The following PHF20 variants were observed in gnomAD, a reference collection of about 807,000 sequenced individuals.
PHF20 encodes PHD finger protein 20.
A neutral mutation model predicts 113.5 loss-of-function variants in PHF20; 23 were observed. The observed-to-expected ratio is 0.20, with a 90% CI of 0.15 to 0.29. PHF20 has a LOEUF of 0.29. Ranked by LOEUF, PHF20 falls within the 10% of genes least tolerant of loss-of-function variation. The pLI, the probability that PHF20 is intolerant of heterozygous loss-of-function variation, is 1.00. For missense variants in PHF20, 943 were observed against 1,219.6 expected, an observed-to-expected ratio of 0.77 and a Z score of 3.38; for synonymous variants, 434 against 457.3, an observed-to-expected ratio of 0.95 and a Z score of 0.65.
chr20:35,822,697 A>G (rs1039670200), intron 2 of PHF20, among the ~76,000 whole-genome samples: 1 of 149,724 alleles, frequency 6.7e-6, no homozygotes, highest in Non-Finnish European at 1.5e-5. Context: ...TAGCTGGGGT[A>G]GGGGGTGGCT....
intron 2 of PHF20, among the ~76,000 whole-genome samples, chr20:35,836,292 A>G (rs2042438660): frequency 6.6e-6 from 1 of 152,064 alleles, no homozygotes; most frequent in African/African-American, 2.4e-5. Context: ...TGCTGGGATT[A>G]TAGACATGAG....
At chr20:35,913,663 A>G (rs1291762606) in intron 11 of PHF20, among the ~76,000 whole-genome samples, 1 of 152,268 alleles carries the variant, frequency 6.6e-6, no homozygotes, top group Non-Finnish European at 1.5e-5. Context: ...TTGTTCACAC[A>G]CACGACTCTT....
In PHF20 at chr20:35,940,974, C is replaced by G. The variant is rs2055966727; in HGVS notation, c.2823C>G (p.Asn941Lys). 1 of 1,614,066 alleles carries G rather than the reference C, an allele frequency of 6.2e-7. No individual in the cohort carries two copies. The highest frequency in any genetic ancestry group is 8.5e-7 in the Non-Finnish European group (1 of 1,180,026). Residue 941 changes from asparagine to lysine, a missense_variant, in exon 17 of 18, where the codon AAC becomes AAG. This residue lies in a region of PHF20 where 349 missense variants were observed against 412.3 expected (regional missense o/e 0.85). Coordinates refer to ENST00000374012, the MANE Select transcript of PHF20 (RefSeq NM_016436.5). Reference sequence around the variant, plus strand: ...GCTCCCAGCACCAGTGGCAGTTTAACCTGCTGACCCATGTGGAATCTCTTC... The same window carrying G: ...GCTCCCAGCACCAGTGGCAGTTTAAGCTGCTGACCCATGTGGAATCTCTTC... Reference protein sequence around the residue: ...LLSSQHQWQFNLLTHVESLQD... With the variant: ...LLSSQHQWQFKLLTHVESLQD...
chr20:35,910,346 G>A (rs1306353957), intron 10 of PHF20, among the ~76,000 whole-genome samples: 7 of 152,040 alleles, frequency 4.6e-5, no homozygotes, highest in African/African-American at 1.2e-4. Flanking sequence ...CAAAGTGGTC[G>A]TACAACATTG....
intron 6 of PHF20, among the ~76,000 whole-genome samples, chr20:35,864,956 C>T (rs879871574): frequency 3.3e-5 from 5 of 151,984 alleles, no homozygotes; most frequent in African/African-American, 7.3e-5. Context: ...GAGGTCCAGG[C>T]GGGTGGATTA....
chr20:35,842,661 T>G lies in PHF20; in HGVS notation c.172T>G (p.Phe58Val). ...TTGGAACCATCGTTATGATGAGTGGTTCTGCTGGGACAGTCCTTATTTACG... is the reference window on the plus strand; with the variant it reads ...TTGGAACCATCGTTATGATGAGTGGGTCTGCTGGGACAGTCCTTATTTACG... ...KRWNHRYDEW[F>V]CWDSPYLRPL... Residue 58 changes from phenylalanine (F) to valine (V), a missense_variant, in exon 3 of 18, where the codon TTC becomes GTC. Around this residue, in one of 3 missense-constraint regions of PHF20, gnomAD observed 592 missense variants for 787.2 expected, o/e 0.75. Transcript: ENST00000374012. 1.9e-6 allele frequency: 3 copies of G among 1,614,116 alleles called. No individual in the cohort carries two copies. Among genetic ancestry groups the G allele is most frequent in the Non-Finnish European group, 2.5e-6 (3 of 1,179,950 alleles).
chr20:35,824,342 C>T (rs1426944315), intron 2 of PHF20, among the ~76,000 whole-genome samples: 1 of 152,036 alleles, frequency 6.6e-6, no homozygotes, highest in Non-Finnish European at 1.5e-5. Flanking sequence ...GGTGTGGTGG[C>T]TCACGCCTGT....
chr20:35,862,664 G>C (rs763211656), intron 5 of PHF20, among the ~76,000 whole-genome samples: 100 of 152,060 alleles, frequency 6.6e-4, no homozygotes, highest in Non-Finnish European at 1.3e-3. Context: ...GGCCTGGGAG[G>C]TCGAGGCTGC....
intron 13 of PHF20, among the ~76,000 whole-genome samples, chr20:35,924,853 G>A (rs187693710): frequency 8.3e-4 from 126 of 152,020 alleles, no homozygotes; most frequent in African/African-American, 2.8e-3. Flanking sequence ...CTCCCGCCTC[G>A]GCCTCCCAAA....
chr20:35,894,681 A>T (rs1263798342), intron 9 of PHF20, among the ~76,000 whole-genome samples: 2 of 152,298 alleles, frequency 1.3e-5, no homozygotes, highest in Non-Finnish European at 1.5e-5. Context: ...AATTCTCACA[A>T]CTCAGCGAAG....
At chr20:35,885,785 C>T (rs909989428) in intron 9 of PHF20, among the ~76,000 whole-genome samples, 1 of 151,802 alleles carries the variant, frequency 6.6e-6, no homozygotes, top group Non-Finnish European at 1.5e-5. Flanking sequence ...CTGTTATTAC[C>T]CCCTTTATAA....
intron 13 of PHF20, 110 bp downstream of exon 13, chr20:35,917,772 A>G: frequency 1.1e-6 from 1 of 896,098 alleles, no homozygotes; most frequent in East Asian, 2.5e-5. Context: ...GAAACACAGC[A>G]CGAACGGCAG....
At chr20:35,910,751 C>T (rs552782561) in intron 10 of PHF20, among the ~76,000 whole-genome samples, 132 of 152,132 alleles carry the variant, frequency 8.7e-4, no homozygotes, top group Non-Finnish European at 1.4e-3. Flanking sequence ...GCCTCAGCCT[C>T]CCAAGTAGCT....
rs1376020156 is a variant in PHF20 at position 35,863,200 on chromosome 20, C to G, written c.608C>G (p.Ser203Cys). The G allele has an allele frequency of 6.2e-7, 1 of 1,613,720 alleles. No individual in the cohort carries two copies. The highest frequency in any genetic ancestry group is 8.5e-7 in the Non-Finnish European group (1 of 1,179,972). Residue 203 changes from serine to cysteine, a missense_variant, in exon 6 of 18, where the codon TCT becomes TGT. Physicochemically the swap from Ser to Cys is moderately radical, Grantham distance 112 (BLOSUM62 -1). Around this residue, in one of 3 missense-constraint regions of PHF20, gnomAD observed 592 missense variants for 787.2 expected, o/e 0.75. Transcript: ENST00000374012. ...GATAAAGAAGGAAAGTTAATCTGTT[C>G]TGAAAAGGGGAAAGTGTCAGAGAAA... Reference protein sequence around the residue: ...QPDKEGKLICSEKGKVSEKSL... With the variant: ...QPDKEGKLICCEKGKVSEKSL...
At chr20:35,897,102 T>C (rs1045702660) in intron 9 of PHF20, among the ~76,000 whole-genome samples, 1 of 152,032 alleles carries the variant, frequency 6.6e-6, no homozygotes, top group African/African-American at 2.4e-5. Context: ...GGTACAGTCA[T>C]GGCTCACTGC....
At chr20:35,923,010 G>C (rs1048765323) in intron 13 of PHF20, among the ~76,000 whole-genome samples, 2 of 152,176 alleles carry the variant, frequency 1.3e-5, no homozygotes, top group Non-Finnish European at 2.9e-5. Flanking sequence ...AGCTTCTCAG[G>C]AGGCTGAGGT....
At chr20:35,803,786 G>A (rs2041830139) in intron 2 of PHF20, among the ~76,000 whole-genome samples, 1 of 149,386 alleles carries the variant, frequency 6.7e-6, no homozygotes, top group African/African-American at 2.5e-5. Context: ...CATACAACTT[G>A]TTTTTTTTCT....
At chr20:35,854,192 G>A (rs1385012315) in intron 4 of PHF20, among the ~76,000 whole-genome samples, 1 of 152,170 alleles carries the variant, frequency 6.6e-6, no homozygotes, top group Non-Finnish European at 1.5e-5. Flanking sequence ...ACATGAGCTT[G>A]TTATGCATCT....
At chr20:35,936,655 A>T (rs1436162803) in intron 15 of PHF20, among the ~76,000 whole-genome samples, 1 of 152,216 alleles carries the variant, frequency 6.6e-6, no homozygotes, top group African/African-American at 2.4e-5. Context: ...ATCATTAATG[A>T]CCTATACATA....
Sources: gnomAD v4.1 joint callset for allele counts (sites outside exome capture counted in the v4.1 genomes callset) on GRCh38, gnomAD v4.1.1 for gene constraint, gnomAD v4.1.1 regional missense constraint, MANE v1.5 for transcripts, NCBI Gene and HGNC (gene_info 2026-07-23, HGNC 2026-07-21) for gene names.